Variants in PDE3B observed in about 807,000 individuals in gnomAD.
The protein encoded by PDE3B is cGMP-inhibited 3',5'-cyclic phosphodiesterase 3B.
PDE3B carries 66 observed loss-of-function variants against 116.8 expected under a neutral mutation model. The observed-to-expected ratio is 0.56, with a 90% CI of 0.46 to 0.69. The LOEUF (loss-of-function observed/expected upper bound fraction) is 0.69, where lower values mean the gene tolerates loss of function less well. Ranked by LOEUF, PDE3B falls within the 30% of genes least tolerant of loss-of-function variation. The probability of loss-of-function intolerance (pLI) is 0.00; values close to 1 mark genes in which losing one functional copy is unlikely to be tolerated. For synonymous variants in PDE3B, 595 were observed against 533.6 expected, an observed-to-expected ratio of 1.12 and a Z score of -1.59; for missense variants, 1,384 against 1,368.1, an observed-to-expected ratio of 1.01 and a Z score of -0.18.
chr11:14,726,576 C>A (rs1009217728), intron 1 of PDE3B, among the ~76,000 whole-genome samples: 1 of 152,102 alleles, frequency 6.6e-6, no homozygotes, highest in Non-Finnish European at 1.5e-5. Flanking sequence ...CAGATTCAAG[C>A]CTTTCGCTGA....
At chr11:14,674,837 T>C (rs1854483660) in intron 1 of PDE3B, among the ~76,000 whole-genome samples, 1 of 152,214 alleles carries the variant, frequency 6.6e-6, no homozygotes, top group South Asian at 2.1e-4. Context: ...TTTGTATTTT[T>C]ATTAAAAATG....
At chr11:14,823,251 C>G (rs1025446512) in intron 7 of PDE3B, among the ~76,000 whole-genome samples, 1 of 152,146 alleles carries the variant, frequency 6.6e-6, no homozygotes, top group Non-Finnish European at 1.5e-5. Flanking sequence ...TATGGGAAAG[C>G]AGCTAGACTG....
intron 1 of PDE3B, among the ~76,000 whole-genome samples, chr11:14,693,439 T>G (rs1361636005): frequency 6.6e-6 from 1 of 152,202 alleles, no homozygotes; most frequent in Non-Finnish European, 1.5e-5. Context: ...CTTTGAAGCC[T>G]AGGCTGACTG....
chr11:14,764,522 A>G (rs886817701), intron 1 of PDE3B, among the ~76,000 whole-genome samples: 2 of 152,110 alleles, frequency 1.3e-5, no homozygotes, highest in African/African-American at 4.8e-5. Flanking sequence ...CTACATTGCT[A>G]GCATATAGTA....
the PDE3B span, chr11:14,880,591 A>C: frequency 6.2e-7 from 1 of 1,613,148 alleles, no homozygotes; most frequent in East Asian, 2.2e-5. Context: ...ATTCGTTATT[A>C]ACTGTTTAAA....
chr11:14,829,144 G>A (rs1859794328), intron 7 of PDE3B, among the ~76,000 whole-genome samples: 1 of 152,050 alleles, frequency 6.6e-6, no homozygotes, highest in Non-Finnish European at 1.5e-5. Context: ...CACACACTGG[G>A]GCCTGTCAGA....
At chr11:14,839,738 A>G (rs1240432767) in intron 11 of PDE3B, among the ~76,000 whole-genome samples, 1 of 152,186 alleles carries the variant, frequency 6.6e-6, no homozygotes, top group African/African-American at 2.4e-5. Context: ...GTTATAATCT[A>G]GTCTGTTCCC....
intron 1 of PDE3B, among the ~76,000 whole-genome samples, chr11:14,702,709 C>CT (rs2133819116): frequency 6.6e-6 from 1 of 152,024 alleles, no homozygotes; most frequent in Non-Finnish European, 1.5e-5. Context: ...ACCAGCCACA[C>CT]TTTAAGTGCA....
At chr11:14,880,756 G>A in the PDE3B span, 2 of 1,607,342 alleles carry the variant, frequency 1.2e-6, no homozygotes, top group East Asian at 2.2e-5. Context: ...GCCATATCTG[G>A]AATTGAGTAA....
At chr11:14,892,241 C>T in the PDE3B span, 1 of 1,589,228 alleles carries the variant, frequency 6.3e-7, no homozygotes, top group Non-Finnish European at 8.6e-7. Context: ...CACAGCAGCC[C>T]TGAGACCCAG....
intron 1 of PDE3B, among the ~76,000 whole-genome samples, chr11:14,762,448 T>C (rs982180226): frequency 6.6e-6 from 1 of 152,214 alleles, no homozygotes; most frequent in East Asian, 1.9e-4. Context: ...TGAATCTTTA[T>C]TGAACTTTCC....
Position 14,644,080 on chromosome 11 carries a change from G to A in PDE3B, c.5G>A (p.Arg2Lys), listed in dbSNP as rs1479268820. The change falls in exon 1 of 16, where the codon AGG (arginine) becomes AAG (lysine). Residue 2 changes from arginine to lysine, a missense_variant. Arg to Lys is a conservative substitution (Grantham distance 26). Transcript: ENST00000282096. Reference sequence around the variant, plus strand: ...TGGCCACCCCCGGCCCCAGCCATGAGGAGGGACGAGCGAGACGCCAAAGCC... The same window carrying A: ...TGGCCACCCCCGGCCCCAGCCATGAAGAGGGACGAGCGAGACGCCAAAGCC... M[R>K]RDERDAKAMR... The A allele has an allele frequency of 8.4e-6, 13 of 1,541,564 alleles. No individual in the cohort carries two copies. Among genetic ancestry groups the A allele is most frequent in the Non-Finnish European group, 1.1e-5 (13 of 1,154,826 alleles).
Position 14,644,571 on chromosome 11 carries a change from T to C in PDE3B, c.496T>C (p.Phe166Leu), listed in dbSNP as rs1013121251. 6.3e-7 allele frequency: 1 copy of C among 1,591,052 alleles called. No individual in the cohort carries two copies. The highest frequency in any genetic ancestry group is 1.8e-5 in the Admixed American group (1 of 56,572). The change falls in exon 1 of 16, where the codon TTC (phenylalanine) becomes CTC (leucine). Residue 166 changes from phenylalanine to leucine, a missense_variant. Physicochemically the swap from Phe to Leu is conservative, Grantham distance 22. Coordinates refer to ENST00000282096, the MANE Select transcript of PDE3B (RefSeq NM_000922.4). ...GCCCGCCTGCTGTTACCTGGGGGAC[T>C]TCTTGGTGTGGCAGTGGTGGTCTTG... is the stretch of plus-strand genomic sequence containing the variant. ...ALPACCYLGD[F>L]LVWQWWSWPW...
chr11:14,779,431 A>G (rs1296656486), intron 2 of PDE3B, among the ~76,000 whole-genome samples: 1 of 152,256 alleles, frequency 6.6e-6, no homozygotes, highest in Non-Finnish European at 1.5e-5. Context: ...AGGTCGGGTT[A>G]CCCACAAAGG....
At chr11:14,715,661 A>C (rs1321838223) in intron 1 of PDE3B, among the ~76,000 whole-genome samples, 1 of 152,218 alleles carries the variant, frequency 6.6e-6, no homozygotes, top group Non-Finnish European at 1.5e-5. Flanking sequence ...TTTTGGGCTG[A>C]GACGATGGGG....
chr11:14,885,760 G>A, the PDE3B span: 1 of 1,610,746 alleles, frequency 6.2e-7, no homozygotes, highest in Non-Finnish European at 8.5e-7. Flanking sequence ...CACTAAATAG[G>A]TGCAAATAAA....
At chr11:14,877,827 T>TA in the PDE3B span, 1 of 324,286 alleles carries the variant, frequency 3.1e-6, no homozygotes, top group South Asian at 5.4e-5. Flanking sequence ...TACCTGGTAC[T>TA]AAACAAGATG....
At chr11:14,784,884 T>C (rs1486797984) in intron 2 of PDE3B, among the ~76,000 whole-genome samples, 1 of 152,170 alleles carries the variant, frequency 6.6e-6, no homozygotes, top group Non-Finnish European at 1.5e-5. Flanking sequence ...TGTTCTTTCC[T>C]AATTTCAACA....
intron 13 of PDE3B, among the ~76,000 whole-genome samples, chr11:14,860,711 A>G (rs1260724935): frequency 6.6e-6 from 1 of 152,148 alleles, no homozygotes; most frequent in Non-Finnish European, 1.5e-5. Context: ...TTGCTGATTC[A>G]TGACATTCTG....
Sources: allele counts gnomAD v4.1 joint callset (sites outside exome capture counted in the v4.1 genomes callset), GRCh38; gene constraint gnomAD v4.1.1; transcripts MANE v1.5; gene names NCBI Gene and HGNC (gene_info 2026-07-23, HGNC 2026-07-21).